The following ITGBL1 variants were observed in gnomAD, a reference collection of about 807,000 sequenced individuals.
ITGBL1 encodes integrin beta-like protein 1.
Under a neutral mutation model 68.5 loss-of-function variants are expected in ITGBL1, and 51 were observed. That is an observed-to-expected ratio of 0.74 (90% CI 0.59 to 0.94). The LOEUF (loss-of-function observed/expected upper bound fraction) is 0.94, where lower values mean the gene tolerates loss of function less well. ITGBL1 is among the 40% of genes least tolerant of loss of function. The pLI is 0.00. For synonymous variants in ITGBL1, 209 were observed against 227.3 expected (o/e 0.92, Z 0.72); for missense variants, 649 against 647.4 (o/e 1.00, Z -0.03).
At chr13:101,680,584 G>A (rs1046981147) in intron 7 of ITGBL1, among the ~76,000 whole-genome samples, 7 of 150,410 alleles carry the variant, frequency 4.7e-5, no homozygotes, top group African/African-American at 1.7e-4. Context: ...TGAACAAATT[G>A]TATGTGAGTA....
chr13:101,514,978 C>G (rs948564906), intron 2 of ITGBL1, among the ~76,000 whole-genome samples: 2 of 152,038 alleles, frequency 1.3e-5, no homozygotes, highest in African/African-American at 4.8e-5. Flanking sequence ...AGTTCACCAT[C>G]AAATAGAAAA....
At chr13:101,714,335 A>G (rs990367541) in intron 9 of ITGBL1, 103 bp from the exon 10 acceptor site, 10 of 747,198 alleles carry the variant, frequency 1.3e-5, no homozygotes, top group Non-Finnish European at 2.2e-5. Context: ...CCTTTGGATG[A>G]TGGGTTATTA....
intron 7 of ITGBL1, among the ~76,000 whole-genome samples, chr13:101,605,369 C>T (rs758968515): frequency 1.4e-5 from 2 of 145,810 alleles, no homozygotes; most frequent in African/African-American, 2.6e-5. Flanking sequence ...TGTGCATATG[C>T]GTATATATAC....
At chr13:101,480,974 C>T (rs138511129) in intron 2 of ITGBL1, among the ~76,000 whole-genome samples, 1 of 151,396 alleles carries the variant, frequency 6.6e-6, no homozygotes, top group East Asian at 1.9e-4. Context: ...AGGAGCAGCT[C>T]ATAGGGAGCC....
chr13:101,646,233 T>C (rs1360854505), intron 7 of ITGBL1, among the ~76,000 whole-genome samples: 1 of 152,176 alleles, frequency 6.6e-6, no homozygotes, highest in Admixed American at 6.5e-5. Context: ...TGAGTTTCCC[T>C]AAGAATAAAA....
chr13:101,545,367 A>G (rs193191222), intron 2 of ITGBL1, among the ~76,000 whole-genome samples: 39 of 152,378 alleles, frequency 2.6e-4, no homozygotes, highest in African/African-American at 8.2e-4. Flanking sequence ...GCTTAAAGGT[A>G]TTAGAATTGA....
At chr13:101,674,034 T>G (rs1448784103) in intron 7 of ITGBL1, among the ~76,000 whole-genome samples, 2 of 152,172 alleles carry the variant, frequency 1.3e-5, no homozygotes, top group Non-Finnish European at 2.9e-5. Flanking sequence ...GTTGTCTGAA[T>G]CAAAATGAAG....
intron 2 of ITGBL1, among the ~76,000 whole-genome samples, chr13:101,526,659 ATGTGTGTGTGTGTG>A (rs35919129): frequency 6.7e-6 from 1 of 149,304 alleles, no homozygotes; most frequent in African/African-American, 2.5e-5. Context: ...TTGAAGTTAT[ATGTGTGTGTGTGTG>A]TGTGTGTGTG....
intron 7 of ITGBL1, among the ~76,000 whole-genome samples, chr13:101,673,636 T>C (rs2033429889): frequency 6.6e-6 from 1 of 152,228 alleles, no homozygotes; most frequent in African/African-American, 2.4e-5. Context: ...TCAATATTAT[T>C]ACATAAACTA....
intron 7 of ITGBL1, among the ~76,000 whole-genome samples, chr13:101,676,392 G>A (rs1327839630): frequency 6.6e-6 from 1 of 152,080 alleles, no homozygotes; most frequent in Non-Finnish European, 1.5e-5. Flanking sequence ...AATATCTAAA[G>A]TGAAAATCTG....
chr13:101,474,383 TG>T, intron 2 of ITGBL1, among the ~76,000 whole-genome samples: 1 of 152,130 alleles, frequency 6.6e-6, no homozygotes, highest in Non-Finnish European at 1.5e-5. Flanking sequence ...GCAGCTTGGG[TG>T]CCAACTCAAG....
At chr13:101,486,393 A>C (rs2048703660) in intron 2 of ITGBL1, among the ~76,000 whole-genome samples, 1 of 152,174 alleles carries the variant, frequency 6.6e-6, no homozygotes, top group Non-Finnish European at 1.5e-5. Flanking sequence ...GGTACAGTGT[A>C]CACTGCTCAG....
chr13:101,457,323 A>G (rs989919851), intron 2 of ITGBL1, among the ~76,000 whole-genome samples: 5 of 152,168 alleles, frequency 3.3e-5, no homozygotes, highest in African/African-American at 9.7e-5. Context: ...TTACTGATTC[A>G]AGGCCCAAAA....
chr13:101,626,985 A>G (rs963401497), intron 7 of ITGBL1, among the ~76,000 whole-genome samples: 1 of 152,168 alleles, frequency 6.6e-6, no homozygotes, highest in African/African-American at 2.4e-5. Flanking sequence ...TGATTCAGAC[A>G]CTTATAGGCT....
chr13:101,668,279 T>G (rs1347198118), intron 7 of ITGBL1, among the ~76,000 whole-genome samples: 1 of 152,096 alleles, frequency 6.6e-6, no homozygotes, highest in East Asian at 1.9e-4. Flanking sequence ...TCCCAGCTAC[T>G]TGGGAGGCTG....
chr13:101,652,594 G>A (rs1898200), intron 7 of ITGBL1, among the ~76,000 whole-genome samples: 143,122 of 152,218 alleles, frequency 0.94, 67,476 homozygotes, highest in Middle Eastern at 0.98. Flanking sequence ...CATAGGTGGA[G>A]AATCCAAATT....
intron 3 of ITGBL1, among the ~76,000 whole-genome samples, chr13:101,569,971 A>T (rs988745782): frequency 1.3e-5 from 2 of 152,048 alleles, no homozygotes; most frequent in Non-Finnish European, 2.9e-5. Context: ...CACTAAAATT[A>T]CCCCAGATTT....
intron 7 of ITGBL1, among the ~76,000 whole-genome samples, chr13:101,640,913 T>A (rs1486543799): frequency 6.6e-6 from 1 of 152,196 alleles, no homozygotes; most frequent in Non-Finnish European, 1.5e-5. Context: ...AGTGTCCTAA[T>A]AAATAGCTGA....
chr13:101,604,868 A>ATGTATATATG (rs1210525433), intron 7 of ITGBL1, among the ~76,000 whole-genome samples: 1 of 33,534 alleles, frequency 3.0e-5, no homozygotes, highest in Admixed American at 4.5e-4. Flanking sequence ...ATATATATAT[A>ATGTATATATG]TATATATATA....
Sources: allele counts gnomAD v4.1 joint callset (sites outside exome capture counted in the v4.1 genomes callset), GRCh38; gene constraint gnomAD v4.1.1; transcripts MANE v1.5; gene names NCBI Gene and HGNC (gene_info 2026-07-23, HGNC 2026-07-21).